PACRG: variants seen among roughly 807,000 people sequenced by gnomAD.
PACRG encodes parkin coregulated.
PACRG carries 29 observed loss-of-function variants against 29.7 expected under a neutral mutation model. That is an observed-to-expected ratio of 0.98 (90% CI 0.73 to 1.33). PACRG has a LOEUF of 1.33. PACRG is among the 40% of genes most tolerant of loss of function. The pLI, the probability that PACRG is intolerant of heterozygous loss-of-function variation, is 0.00. For missense variants in PACRG, 279 were observed against 316.2 expected (o/e 0.88, Z 0.89); for synonymous variants, 116 against 118.7 (o/e 0.98, Z 0.15).
At chr6:162,919,169 A>T (rs11970125) in intron 2 of PACRG, among the ~76,000 whole-genome samples, 18,834 of 152,224 alleles carry the variant, frequency 0.12, 1,831 homozygotes, top group African/African-American at 0.27. Flanking sequence ...CATATTTTAG[A>T]CGAAGAACAT....
At chr6:163,078,575 A>G (rs189260186) in intron 3 of PACRG, among the ~76,000 whole-genome samples, 8 of 152,278 alleles carry the variant, frequency 5.3e-5, no homozygotes, top group Admixed American at 5.2e-4. Context: ...ATGAGCTAAT[A>G]TGTAAGGTTA....
chr6:163,269,924 AAG>A (rs1349390216), intron 4 of PACRG, among the ~76,000 whole-genome samples: 1 of 66,538 alleles, frequency 1.5e-5, no homozygotes, highest in Admixed American at 1.2e-4. Context: ...GAAAGAAAGA[AAG>A]AAAACAAAGA....
chr6:162,755,030 G>T (rs1279327041), intron 1 of PACRG, among the ~76,000 whole-genome samples: 2 of 152,114 alleles, frequency 1.3e-5, no homozygotes, highest in African/African-American at 4.8e-5. Flanking sequence ...AAAGTTCTAT[G>T]TGTCTAGGAA....
At chr6:163,288,341 C>T (rs879935877) in intron 4 of PACRG, among the ~76,000 whole-genome samples, 4 of 152,194 alleles carry the variant, frequency 2.6e-5, no homozygotes, top group African/African-American at 4.8e-5. Context: ...TAAAGGTAGA[C>T]GTCACAGTGG....
chr6:162,872,926 C>G (rs1792950599), intron 2 of PACRG, among the ~76,000 whole-genome samples: 1 of 152,054 alleles, frequency 6.6e-6, no homozygotes, highest in African/African-American at 2.4e-5. Flanking sequence ...GCTTCAAGGC[C>G]TGACTGATAT....
intron 2 of PACRG, among the ~76,000 whole-genome samples, chr6:162,986,230 C>T (rs1802876057): frequency 1.3e-5 from 2 of 151,932 alleles, no homozygotes; most frequent in African/African-American, 4.8e-5. Context: ...TCATATAGAA[C>T]CAAAAAAGAT....
intron 2 of PACRG, among the ~76,000 whole-genome samples, chr6:162,848,388 A>C (rs1358302452): frequency 6.6e-6 from 1 of 152,228 alleles, no homozygotes; most frequent in Non-Finnish European, 1.5e-5. Context: ...TGATCAGTGC[A>C]CCATGGTGGG....
chr6:163,128,581 G>A (rs545089700), intron 4 of PACRG, among the ~76,000 whole-genome samples: 1 of 152,340 alleles, frequency 6.6e-6, no homozygotes, highest in South Asian at 2.1e-4. Flanking sequence ...AAGCTAAAGT[G>A]GTTAGTGCAG....
At chr6:163,011,918 G>A (rs977134845) in intron 2 of PACRG, among the ~76,000 whole-genome samples, 1 of 152,260 alleles carries the variant, frequency 6.6e-6, no homozygotes, top group Admixed American at 6.5e-5. Context: ...CCCACTTCTT[G>A]TCCCACTGGA....
chr6:163,032,652 A>G (rs2128229145), intron 2 of PACRG, among the ~76,000 whole-genome samples: 1 of 152,334 alleles, frequency 6.6e-6, no homozygotes, highest in Non-Finnish European at 1.5e-5. Context: ...ACATTTATAC[A>G]AATACAGCCC....
chr6:162,864,675 CTAAAA>C (rs1792144846), intron 2 of PACRG, among the ~76,000 whole-genome samples: 1 of 152,114 alleles, frequency 6.6e-6, no homozygotes, highest in Non-Finnish European at 1.5e-5. Flanking sequence ...TTAATTTTCA[CTAAAA>C]TAAACTTTCA....
At chr6:162,865,269 G>C (rs545801431) in intron 2 of PACRG, among the ~76,000 whole-genome samples, 1 of 152,110 alleles carries the variant, frequency 6.6e-6, no homozygotes, top group Non-Finnish European at 1.5e-5. Context: ...AATCTGCCTT[G>C]GCTCCCATAA....
intron 2 of PACRG, among the ~76,000 whole-genome samples, chr6:162,933,753 G>T (rs1351354074): frequency 6.6e-6 from 1 of 151,554 alleles, no homozygotes; most frequent in Non-Finnish European, 1.5e-5. Context: ...TCCAAGGCTG[G>T]GTAATTTTGG....
At chr6:163,043,695 T>C (rs543682231) in intron 2 of PACRG, among the ~76,000 whole-genome samples, 50 of 152,316 alleles carry the variant, frequency 3.3e-4, no homozygotes, top group African/African-American at 1.1e-3. Context: ...AAGAATACTT[T>C]CCAGAACTGG....
At chr6:162,940,941 G>C (rs1005917988) in intron 2 of PACRG, among the ~76,000 whole-genome samples, 3 of 152,054 alleles carry the variant, frequency 2.0e-5, no homozygotes, top group African/African-American at 7.2e-5. Context: ...ATGAAATTAC[G>C]TGGAAAAATG....
At chr6:163,108,927 A>G (rs1815554902) in intron 4 of PACRG, among the ~76,000 whole-genome samples, 1 of 152,218 alleles carries the variant, frequency 6.6e-6, no homozygotes, top group Non-Finnish European at 1.5e-5. Context: ...ATTCACCAAG[A>G]AACCTACAAA....
chr6:163,292,031 C>A (rs996075322), intron 4 of PACRG, among the ~76,000 whole-genome samples: 6 of 152,124 alleles, frequency 3.9e-5, no homozygotes, highest in African/African-American at 1.4e-4. Flanking sequence ...GCAACACGAG[C>A]TGAGCTAACG....
intron 3 of PACRG, among the ~76,000 whole-genome samples, chr6:163,063,746 T>C (rs1197200566): frequency 6.6e-6 from 1 of 152,080 alleles, no homozygotes; most frequent in East Asian, 1.9e-4. Flanking sequence ...AGGACGGTGC[T>C]ACCTGATGTG....
intron 4 of PACRG, among the ~76,000 whole-genome samples, chr6:163,213,077 C>A (rs1781219073): frequency 1.3e-5 from 2 of 152,164 alleles, no homozygotes; most frequent in African/African-American, 4.8e-5. Context: ...CATGCCCAAC[C>A]AGAAACTGAC....
Sources: gnomAD v4.1 joint callset for allele counts (sites outside exome capture counted in the v4.1 genomes callset) on GRCh38, gnomAD v4.1.1 for gene constraint, MANE v1.5 for transcripts, NCBI Gene and HGNC (gene_info 2026-07-23, HGNC 2026-07-21) for gene names.